SLC38A6: variants seen among roughly 807,000 people sequenced by gnomAD.
The protein encoded by SLC38A6 is N system amino acid transporter NAT-1.
In SLC38A6, 73 loss-of-function variants were observed where a neutral mutation model predicts 65.0. The observed-to-expected ratio is 1.12, with a 90% CI of 0.93 to 1.37. The LOEUF is 1.37. Ranked by LOEUF, SLC38A6 falls within the 40% of genes most tolerant of loss-of-function variation. SLC38A6 has a pLI of 0.00. For missense variants in SLC38A6, 561 were observed against 531.1 expected (o/e 1.06, Z -0.55); for synonymous variants, 183 against 178.8 (o/e 1.02, Z -0.19).
intron 3 of SLC38A6, among the ~76,000 whole-genome samples, chr14:60,995,643 AG>A: frequency 6.6e-6 from 1 of 152,282 alleles, no homozygotes; most frequent in East Asian, 1.9e-4. Context: ...GAGGGAAGGA[AG>A]GGAGGGAGGA....
chr14:61,035,845 T>A (rs761566835), intron 6 of SLC38A6, among the ~76,000 whole-genome samples: 3 of 152,202 alleles, frequency 2.0e-5, no homozygotes, highest in Non-Finnish European at 2.9e-5. Context: ...TACATATGTA[T>A]CTCACATATT....
chr14:60,981,470 C>T, intron 1 of SLC38A6, 88 bp downstream of exon 1: 1 of 1,541,268 alleles, frequency 6.5e-7, no homozygotes. Context: ...AGGAGGACCG[C>T]ACCGGGACAG....
At chr14:61,045,754 C>T (rs575643156) in intron 11 of SLC38A6, among the ~76,000 whole-genome samples, 11 of 151,970 alleles carry the variant, frequency 7.2e-5, no homozygotes, top group South Asian at 6.3e-4. Flanking sequence ...GACGTGGTGG[C>T]GGGCACCTGT....
At chr14:61,053,559 A>G (rs2042605067), downstream of SLC38A6, among the ~76,000 whole-genome samples, 1 of 151,858 alleles carries the variant, frequency 6.6e-6, no homozygotes, top group Non-Finnish European at 1.5e-5. Context: ...TTATTTTTTG[A>G]CTTTTTATTA....
rs1188113557 is a variant in SLC38A6 at position 61,067,240 on chromosome 14, G to A, written c.1291-11570G>A. Among the ~76,000 whole-genome samples the A allele has an allele frequency of 2.0e-5, 3 of 152,072 alleles. No individual in the cohort carries two copies. In the East Asian group the frequency reaches 5.8e-4, roughly 29 times the overall value. On this transcript the variant is annotated intron_variant, in intron 15 of 16. Coordinates refer to the SLC38A6 transcript ENST00000354886. ...TGCTGAAGACTCAATATTTGACTGGGTTTTCTCTCAACCAGAGGAAACTCT... is the reference window on the plus strand; with the variant it reads ...TGCTGAAGACTCAATATTTGACTGGATTTTCTCTCAACCAGAGGAAACTCT...
intron 15 of SLC38A6, among the ~76,000 whole-genome samples, chr14:61,061,005 G>A (rs1016405318): frequency 6.6e-6 from 1 of 151,588 alleles, no homozygotes; most frequent in Non-Finnish European, 1.5e-5. Flanking sequence ...GCACACACTG[G>A]CCTGCGCCCA....
intron 1 of SLC38A6, among the ~76,000 whole-genome samples, chr14:60,982,001 C>T (rs1312385427): frequency 1.3e-5 from 2 of 152,122 alleles, no homozygotes. Flanking sequence ...ACGTGAATTG[C>T]TTCTGTTTAT....
At chr14:61,077,048 T>A (rs1197487354) in intron 15 of SLC38A6, among the ~76,000 whole-genome samples, 2 of 152,222 alleles carry the variant, frequency 1.3e-5, no homozygotes, top group Non-Finnish European at 2.9e-5. Context: ...CTTTAGAACG[T>A]CAAAATGAAT....
chr14:61,023,034 C>CT (rs1350201304), intron 5 of SLC38A6, among the ~76,000 whole-genome samples: 1 of 152,114 alleles, frequency 6.6e-6, no homozygotes, highest in East Asian at 1.9e-4. Flanking sequence ...GTTTTCCTAA[C>CT]TTTACCTAGT....
At chr14:61,078,151 G>A (rs768963032) in intron 15 of SLC38A6, among the ~76,000 whole-genome samples, 11 of 152,206 alleles carry the variant, frequency 7.2e-5, no homozygotes, top group Non-Finnish European at 1.5e-4. Flanking sequence ...CCATCTGTGC[G>A]TGCTTGTTGA....
At chr14:61,006,669 G>C (rs1343814694) in intron 3 of SLC38A6, among the ~76,000 whole-genome samples, 6 of 152,196 alleles carry the variant, frequency 3.9e-5, no homozygotes, top group African/African-American at 7.2e-5. Flanking sequence ...AAAAAGTCAG[G>C]AAACAACAGG....
intron 7 of SLC38A6, 43 bp from the exon 8 acceptor site, chr14:61,037,582 G>A (rs2139728571): frequency 3.6e-6 from 5 of 1,392,364 alleles, no homozygotes; most frequent in South Asian, 2.5e-5. Context: ...CGTTAAAATC[G>A]CTTTCCTTAT....
intron 3 of SLC38A6, chr14:60,987,134 A>G (rs187833324): frequency 4.4e-4 from 134 of 307,868 alleles, no homozygotes; most frequent in Non-Finnish European, 6.9e-4. Flanking sequence ...AATTCCTTCA[A>G]TCTTTGTAAA....
chr14:61,034,309 C>G (rs928928340), intron 6 of SLC38A6: 1 of 151,994 alleles, frequency 6.6e-6, no homozygotes, highest in Non-Finnish European at 1.5e-5. Flanking sequence ...ACTTTAGCTT[C>G]GTGACATTTT....
chr14:61,065,129 T>C (rs1309301080), intron 15 of SLC38A6, among the ~76,000 whole-genome samples: 1 of 152,134 alleles, frequency 6.6e-6, no homozygotes, highest in East Asian at 1.9e-4. Context: ...TGTGTGTGTG[T>C]ATGCTTTTCC....
intron 15 of SLC38A6, among the ~76,000 whole-genome samples, chr14:61,077,915 A>G (rs1481228874): frequency 6.6e-6 from 1 of 152,232 alleles, no homozygotes; most frequent in Admixed American, 6.5e-5. Context: ...AGCAATCTAG[A>G]ACTTTATTCT....
chr14:61,043,541 T>A (rs1395401354), intron 10 of SLC38A6, 38 bp downstream of exon 10: 10 of 1,503,206 alleles, frequency 6.7e-6, no homozygotes, highest in African/African-American at 1.4e-5. Context: ...AGTTGATTTT[T>A]CACATTTCAA....
intron 3 of SLC38A6, among the ~76,000 whole-genome samples, chr14:61,013,072 A>G (rs546816473): frequency 6.6e-6 from 1 of 152,298 alleles, no homozygotes; most frequent in African/African-American, 2.4e-5. Flanking sequence ...GTGCTCCTGT[A>G]TTGGGTGCAT....
At chr14:61,061,823 G>GTT (rs57324488) in intron 15 of SLC38A6, among the ~76,000 whole-genome samples, 12 of 151,564 alleles carry the variant, frequency 7.9e-5, no homozygotes, top group Non-Finnish European at 1.5e-4. Flanking sequence ...TCGTGTGCAG[G>GTT]TTTTTTTGTT....
Sources: gnomAD v4.1 joint callset for allele counts (sites outside exome capture counted in the v4.1 genomes callset) on GRCh38, gnomAD v4.1.1 for gene constraint, MANE v1.5 for transcripts, NCBI Gene and HGNC (gene_info 2026-07-23, HGNC 2026-07-21) for gene names.